Variants in SLC26A7 observed in about 807,000 individuals in gnomAD.
The protein encoded by SLC26A7 is solute carrier family 26 member 7, also known as anion exchange transporter.
SLC26A7 carries 59 observed loss-of-function variants against 82.5 expected under a neutral mutation model. The ratio of observed to expected loss-of-function variants is 0.72; its 90% confidence interval spans 0.58 to 0.89. The LOEUF is 0.89. Ranked by LOEUF, SLC26A7 falls within the 40% of genes least tolerant of loss-of-function variation. SLC26A7 has a pLI of 0.00. For synonymous variants in SLC26A7, 271 were observed against 274.3 expected, an observed-to-expected ratio of 0.99 and a Z score of 0.12; for missense variants, 820 against 793.0, an observed-to-expected ratio of 1.03 and a Z score of -0.41.
At chr8:91,213,292 G>A (rs1361931929) in intron 1 of SLC26A7, among the ~76,000 whole-genome samples, 1 of 152,092 alleles carries the variant, frequency 6.6e-6, no homozygotes, top group Non-Finnish European at 1.5e-5. Context: ...ACCATATAAT[G>A]TGTCGTCTAA....
chr8:91,307,717 T>A (rs1472956403), intron 4 of SLC26A7, among the ~76,000 whole-genome samples: 251 of 142,288 alleles, frequency 1.8e-3, no homozygotes, highest in African/African-American at 6.2e-3. Flanking sequence ...AGTTAGTGGG[T>A]GCAGCGCACC....
At chr8:91,376,518 G>A (rs1814521177) in intron 15 of SLC26A7, among the ~76,000 whole-genome samples, 2 of 152,144 alleles carry the variant, frequency 1.3e-5, no homozygotes, top group Non-Finnish European at 2.9e-5. Context: ...CAGCTTCTGT[G>A]CACTGGCTTT....
At chr8:91,235,198 A>G (rs62527424) in intron 2 of SLC26A7, among the ~76,000 whole-genome samples, 6,916 of 152,278 alleles carry the variant, frequency 0.045, 172 homozygotes, top group African/African-American at 0.063. Context: ...TGCTGGGATT[A>G]CTGGCATGAG....
intron 2 of SLC26A7, among the ~76,000 whole-genome samples, chr8:91,269,521 G>T (rs763264150): frequency 1.2e-4 from 19 of 152,048 alleles, no homozygotes; most frequent in Non-Finnish European, 1.6e-4. Flanking sequence ...TGTTCAATGT[G>T]ATATATTTCT....
intron 2 of SLC26A7, among the ~76,000 whole-genome samples, chr8:91,225,520 G>A (rs1026655185): frequency 6.6e-6 from 1 of 151,136 alleles, no homozygotes; most frequent in Non-Finnish European, 1.5e-5. Context: ...AGGGAACCTG[G>A]ATACCTTGGT....
chr8:91,330,994 C>G (rs1586418405), intron 5 of SLC26A7, among the ~76,000 whole-genome samples: 1 of 152,064 alleles, frequency 6.6e-6, no homozygotes, highest in African/African-American at 2.4e-5. Context: ...TTCTTAAAGC[C>G]TCTCTCCTTG....
intron 5 of SLC26A7, among the ~76,000 whole-genome samples, chr8:91,328,460 CT>C (rs1220043629): frequency 6.6e-6 from 1 of 152,064 alleles, no homozygotes; most frequent in Admixed American, 6.6e-5. Context: ...ATAAATGAAA[CT>C]TGATAACTGC....
intron 2 of SLC26A7, among the ~76,000 whole-genome samples, chr8:91,241,168 G>A (rs192975382): frequency 6.6e-6 from 1 of 152,022 alleles, no homozygotes; most frequent in East Asian, 1.9e-4. Flanking sequence ...AGTGAACTAT[G>A]GTACATTTTT....
chr8:91,334,168 A>C, intron 5 of SLC26A7, 127 bp from the exon 6 acceptor site: 146 of 796,216 alleles, frequency 1.8e-4, no homozygotes, highest in Non-Finnish European at 2.4e-4. Context: ...GCCTACCTAT[A>C]TCTTTCCTCT....
intron 14 of SLC26A7, among the ~76,000 whole-genome samples, chr8:91,367,478 A>G (rs765743698): frequency 1.1e-4 from 16 of 152,216 alleles, no homozygotes; most frequent in Admixed American, 1.3e-4. Flanking sequence ...AGTGATATTG[A>G]ATCAAATGTG....
At chr8:91,368,613 C>T (rs896224792) in intron 14 of SLC26A7, among the ~76,000 whole-genome samples, 6 of 151,586 alleles carry the variant, frequency 4.0e-5, no homozygotes, top group Non-Finnish European at 7.4e-5. Flanking sequence ...TTAGTAGAGA[C>T]GGGGTTTCAC....
chr8:91,387,907 T>C (rs1032679743), intron 15 of SLC26A7, among the ~76,000 whole-genome samples: 5 of 152,182 alleles, frequency 3.3e-5, no homozygotes, highest in East Asian at 1.9e-4. Context: ...TTCTTGAACA[T>C]AGTACAAACA....
chr8:91,336,931 G>A (rs192831336), intron 6 of SLC26A7, among the ~76,000 whole-genome samples: 56 of 152,098 alleles, frequency 3.7e-4, no homozygotes, highest in Non-Finnish European at 4.3e-4. Context: ...TGATGATTAT[G>A]AACAATTATA....
intron 15 of SLC26A7, among the ~76,000 whole-genome samples, chr8:91,382,768 G>A (rs1435650286): frequency 6.6e-6 from 1 of 152,020 alleles, no homozygotes; most frequent in African/African-American, 2.4e-5. Flanking sequence ...AATTTCCATT[G>A]TATTATCCTT....
chr8:91,302,018 A>T (rs1812180378), intron 4 of SLC26A7, among the ~76,000 whole-genome samples: 1 of 151,922 alleles, frequency 6.6e-6, no homozygotes, highest in Admixed American at 6.6e-5. Context: ...TTTGCTTTTC[A>T]GTTTTGTCAA....
intron 4 of SLC26A7, among the ~76,000 whole-genome samples, chr8:91,308,401 T>C (rs1812383494): frequency 7.1e-6 from 1 of 141,310 alleles, no homozygotes; most frequent in Admixed American, 6.9e-5. Context: ...CCGTCATCTG[T>C]CTATGCAACC....
chr8:91,358,841 A>G (rs941933557), intron 11 of SLC26A7, among the ~76,000 whole-genome samples: 3 of 152,138 alleles, frequency 2.0e-5, no homozygotes, highest in Non-Finnish European at 2.9e-5. Flanking sequence ...ACAAAAAACC[A>G]AACACCACAT....
intron 2 of SLC26A7, among the ~76,000 whole-genome samples, chr8:91,242,838 T>A (rs1056245056): frequency 4.6e-5 from 7 of 152,176 alleles, no homozygotes; most frequent in African/African-American, 1.7e-4. Flanking sequence ...TAACAAAATT[T>A]GGAGGAATAG....
intron 15 of SLC26A7, among the ~76,000 whole-genome samples, chr8:91,371,698 A>C (rs1399868471): frequency 6.6e-6 from 1 of 151,966 alleles, no homozygotes. Context: ...ATAAGACTGC[A>C]GGATTTTCTT....
Sources: allele counts gnomAD v4.1 joint callset (sites outside exome capture counted in the v4.1 genomes callset), GRCh38; gene constraint gnomAD v4.1.1; transcripts MANE v1.5; gene names NCBI Gene and HGNC (gene_info 2026-07-23, HGNC 2026-07-21).